The following FER variants were observed in gnomAD, a reference collection of about 807,000 sequenced individuals.
FER encodes the protein tyrosine-protein kinase Fer.
A neutral mutation model predicts 111.0 loss-of-function variants in FER; 63 were observed. The observed-to-expected ratio is 0.57, with a 90% confidence interval of 0.46 to 0.70. The LOEUF (loss-of-function observed/expected upper bound fraction) is 0.70. Among genes scored for constraint, FER ranks in the 30% least tolerant of loss-of-function variants. FER has a pLI of 0.00. For synonymous variants in FER, 327 were observed against 313.9 expected (o/e 1.04, Z -0.44); for missense variants, 914 against 954.0 (o/e 0.96, Z 0.55).
At chr5:109,052,539 A>G in intron 16 of FER, 2 of 694,762 alleles carry the variant, frequency 2.9e-6, no homozygotes, top group South Asian at 3.5e-5. Context: ...AAGTAAAATG[A>G]AAAGGCAAAT....
intron 10 of FER, among the ~76,000 whole-genome samples, chr5:108,905,762 C>T (rs1382537225): frequency 6.6e-6 from 1 of 152,100 alleles, no homozygotes. Flanking sequence ...TATATATATA[C>T]TCAGTAAATG....
Position 109,187,454 on chromosome 5 carries a change from A to G in FER, c.2348A>G (p.Gln783Arg). The change falls in exon 20 of 20, where the codon CAG becomes CGG. Residue 783 changes from glutamine to arginine, a missense_variant. Gln to Arg is a conservative substitution (Grantham distance 43). Transcript: ENST00000281092. ...VERGYRMSAP[Q>R]HCPEDISKIM... ...TCAGGATACCGGATGTCAGCTCCCC[A>G]GCACTGTCCAGAGGATATTTCCAAA... The G allele has an allele frequency of 6.2e-7, 1 of 1,614,096 alleles. No homozygotes were observed.
intron 10 of FER, among the ~76,000 whole-genome samples, chr5:108,943,543 C>T (rs2149616515): frequency 6.6e-6 from 1 of 152,168 alleles, no homozygotes; most frequent in Middle Eastern, 3.4e-3. Context: ...ATCAGCAGAA[C>T]CTTAATTCTT....
chr5:109,021,867 C>T (rs527309093), intron 13 of FER, among the ~76,000 whole-genome samples: 2 of 152,104 alleles, frequency 1.3e-5, no homozygotes, highest in Admixed American at 6.6e-5. Context: ...CCAAAAAATA[C>T]CTACCGCATG....
chr5:108,783,155 A>AT (rs1364856463), intron 2 of FER, among the ~76,000 whole-genome samples: 5 of 150,042 alleles, frequency 3.3e-5, no homozygotes, highest in Non-Finnish European at 5.9e-5. Context: ...AATTTTTTCT[A>AT]TTTTTTTCTG....
intron 17 of FER, among the ~76,000 whole-genome samples, chr5:109,148,808 C>A (rs1754511278): frequency 6.6e-6 from 1 of 151,972 alleles, no homozygotes; most frequent in Non-Finnish European, 1.5e-5. Context: ...AAGTGGCTAG[C>A]GATAGGCTTT....
At chr5:109,165,074 C>G (rs1756393245) in intron 17 of FER, among the ~76,000 whole-genome samples, 1 of 152,102 alleles carries the variant, frequency 6.6e-6, no homozygotes, top group African/African-American at 2.4e-5. Flanking sequence ...ATCAGAGGAA[C>G]ATAAAAGTTC....
chr5:108,847,153 A>C (rs1482076842), intron 5 of FER, among the ~76,000 whole-genome samples: 1 of 148,478 alleles, frequency 6.7e-6, no homozygotes, highest in Non-Finnish European at 1.5e-5. Context: ...AGTTCCTTAA[A>C]TACTTTTTTT....
chr5:109,112,808 C>G (rs1195310975), intron 17 of FER, among the ~76,000 whole-genome samples: 1 of 152,108 alleles, frequency 6.6e-6, no homozygotes, highest in Non-Finnish European at 1.5e-5. Context: ...ATGTCTAATG[C>G]AGAAGGGTCA....
intron 17 of FER, among the ~76,000 whole-genome samples, chr5:109,124,448 G>A (rs1263433036): frequency 1.3e-5 from 2 of 152,136 alleles, no homozygotes; most frequent in Admixed American, 6.5e-5. Context: ...AAACCCCTTC[G>A]TAAATTGCCC....
chr5:108,880,338 G>A (rs189255515), intron 8 of FER, among the ~76,000 whole-genome samples: 1 of 152,134 alleles, frequency 6.6e-6, no homozygotes, highest in African/African-American at 2.4e-5. Context: ...CATGGTCAAG[G>A]CAGTGATAAG....
chr5:109,174,748 T>C (rs1299704924), intron 17 of FER, among the ~76,000 whole-genome samples: 4 of 152,238 alleles, frequency 2.6e-5, no homozygotes, highest in Admixed American at 2.6e-4. Context: ...TCATCCATTT[T>C]GGCTCTTATT....
chr5:108,833,426 G>A (rs1252254281), intron 4 of FER, among the ~76,000 whole-genome samples: 1 of 150,640 alleles, frequency 6.6e-6, no homozygotes, highest in African/African-American at 2.4e-5. Context: ...AGAGAGGATA[G>A]TAAAATCAAC....
intron 17 of FER, among the ~76,000 whole-genome samples, chr5:109,146,270 A>ATATT (rs1490180909): frequency 1.5e-5 from 1 of 66,786 alleles, no homozygotes; most frequent in East Asian, 2.8e-4. Flanking sequence ...ATATATATAT[A>ATATT]TATATATATA....
chr5:108,982,149 T>C (rs1762077993), intron 13 of FER, among the ~76,000 whole-genome samples: 2 of 152,184 alleles, frequency 1.3e-5, no homozygotes, highest in South Asian at 2.1e-4. Flanking sequence ...TCAGAAACTC[T>C]GAAAGTAGGG....
At chr5:109,151,859 C>A (rs72798559) in intron 17 of FER, among the ~76,000 whole-genome samples, 5 of 152,032 alleles carry the variant, frequency 3.3e-5, no homozygotes. Flanking sequence ...TCTCATAACT[C>A]GCAAAATCAG....
chr5:108,975,617 A>G (rs1409576197), intron 13 of FER, among the ~76,000 whole-genome samples: 2 of 152,074 alleles, frequency 1.3e-5, no homozygotes, highest in African/African-American at 4.8e-5. Context: ...TCAGATTTGT[A>G]TTTTCTACGG....
intron 17 of FER, among the ~76,000 whole-genome samples, chr5:109,109,484 A>C (rs1242005169): frequency 6.6e-6 from 1 of 152,094 alleles, no homozygotes; most frequent in African/African-American, 2.4e-5. Flanking sequence ...CTCATCAAAA[A>C]TTTGTTGAAT....
In FER at chr5:109,190,870, A is replaced by G. The variant is rs1208256630; in HGVS notation, c.*3295A>G. On this transcript the variant is annotated 3_prime_UTR_variant, in exon 20 of 20. Coordinates refer to ENST00000281092, the MANE Select transcript of FER (RefSeq NM_005246.4). ...TAGACCAGGAGCCTAACTGTGTTAG[A>G]TATTTTCAGTGCACATTTCACAGTT... 4 of 152,210 alleles carry G rather than the reference A, an allele frequency of 2.6e-5. No homozygotes were observed. Among genetic ancestry groups the G allele is most frequent in the African/African-American group, 9.6e-5 (4 of 41,462 alleles). The allele number at this position is 152,210 out of a possible 1,614,324, so 9.4% of individuals were successfully genotyped here.
Sources: allele counts gnomAD v4.1 joint callset (sites outside exome capture counted in the v4.1 genomes callset), GRCh38; gene constraint gnomAD v4.1.1; transcripts MANE v1.5; gene names NCBI Gene and HGNC (gene_info 2026-07-23, HGNC 2026-07-21).